Variants in CCDC15 observed in about 807,000 individuals in gnomAD.
The protein encoded by CCDC15 is coiled-coil domain containing 15.
Under a neutral mutation model 114.5 loss-of-function variants are expected in CCDC15, and 105 were observed. The ratio of observed to expected loss-of-function variants is 0.92; its 90% confidence interval spans 0.78 to 1.08. The LOEUF is 1.08. Ranked by LOEUF, CCDC15 falls within the 50% of genes least tolerant of loss-of-function variation. CCDC15 has a pLI of 0.00. For missense variants in CCDC15, 1,105 were observed against 1,093.6 expected, an observed-to-expected ratio of 1.01 and a Z score of -0.15; for synonymous variants, 334 against 377.8, an observed-to-expected ratio of 0.88 and a Z score of 1.34.
chr11:125,023,875 A>T (rs1167826694), intron 13 of CCDC15, among the ~76,000 whole-genome samples: 1 of 152,088 alleles, frequency 6.6e-6, no homozygotes, highest in Non-Finnish European at 1.5e-5. Flanking sequence ...GCCAATCCAA[A>T]GATACCACAT....
intron 4 of CCDC15, among the ~76,000 whole-genome samples, chr11:124,962,025 A>G (rs1947670410): frequency 6.6e-6 from 1 of 152,184 alleles, no homozygotes; most frequent in Non-Finnish European, 1.5e-5. Context: ...TAAAGTTTTT[A>G]TAATACCCCC....
At chr11:124,967,430 TG>T (rs1297462560) in intron 4 of CCDC15, among the ~76,000 whole-genome samples, 1 of 152,236 alleles carries the variant, frequency 6.6e-6, no homozygotes, top group Non-Finnish European at 1.5e-5. Context: ...AATTGGCTAC[TG>T]AAGCTTGTGC....
intron 3 of CCDC15, 79 bp from the exon 4 acceptor site, chr11:124,959,736 C>CA: frequency 2.1e-6 from 1 of 465,206 alleles, no homozygotes; most frequent in Non-Finnish European, 3.4e-6. Context: ...TTAAAATCTT[C>CA]TGAACTGCTT....
At chr11:124,982,798 C>CAGGGG (rs1423442237) in intron 6 of CCDC15, among the ~76,000 whole-genome samples, 1 of 152,096 alleles carries the variant, frequency 6.6e-6, no homozygotes, top group Non-Finnish European at 1.5e-5. Context: ...TAGTATTTTG[C>CAGGGG]AGGGGTTCTC....
intron 11 of CCDC15, among the ~76,000 whole-genome samples, chr11:125,001,315 C>T (rs780268787): frequency 2.0e-5 from 3 of 152,210 alleles, no homozygotes; most frequent in Non-Finnish European, 4.4e-5. Flanking sequence ...CAAAGGCCTG[C>T]AAAAGCACCA....
At chr11:124,983,202 A>G (rs1300450284) in intron 6 of CCDC15, among the ~76,000 whole-genome samples, 3 of 152,116 alleles carry the variant, frequency 2.0e-5, no homozygotes. Flanking sequence ...TTATTGTAAT[A>G]CTTAGATTCC....
At chr11:124,960,105 C>T (rs910999337) in intron 4 of CCDC15, 102 bp downstream of exon 4, 27 of 711,400 alleles carry the variant, frequency 3.8e-5, no homozygotes, top group Non-Finnish European at 4.0e-5. Flanking sequence ...AGAGTTATCA[C>T]ACTCAGCTTC....
At chr11:125,015,485 A>G (rs1193601093) in intron 13 of CCDC15, among the ~76,000 whole-genome samples, 1 of 152,200 alleles carries the variant, frequency 6.6e-6, no homozygotes, top group Non-Finnish European at 1.5e-5. Context: ...TGACAATTTT[A>G]ATAAAATAAA....
intron 11 of CCDC15, among the ~76,000 whole-genome samples, chr11:124,997,792 A>G (rs942768106): frequency 2.0e-5 from 3 of 152,266 alleles, no homozygotes; most frequent in Admixed American, 2.0e-4. Context: ...AAATATAAAA[A>G]TTAGACAGGC....
At chr11:125,015,274 G>A (rs1414342484) in intron 13 of CCDC15, among the ~76,000 whole-genome samples, 1 of 151,998 alleles carries the variant, frequency 6.6e-6, no homozygotes, top group Non-Finnish European at 1.5e-5. Flanking sequence ...TAAAACAAAT[G>A]TATAACAGAG....
At chr11:125,037,052 G>A (rs749694484) in intron 13 of CCDC15, among the ~76,000 whole-genome samples, 1 of 152,070 alleles carries the variant, frequency 6.6e-6, no homozygotes. Flanking sequence ...TGGAGTCTGG[G>A]CTTTTTTTCT....
At chr11:124,996,154 A>G (rs1489338554) in intron 11 of CCDC15, among the ~76,000 whole-genome samples, 5 of 152,046 alleles carry the variant, frequency 3.3e-5, no homozygotes, top group African/African-American at 1.2e-4. Context: ...TTACGCTGCC[A>G]AATAATCCAG....
intron 13 of CCDC15, among the ~76,000 whole-genome samples, chr11:125,024,492 ATGTTATAGTTTTCAG>A (rs779175217): frequency 6.6e-6 from 1 of 152,056 alleles, no homozygotes; most frequent in Non-Finnish European, 1.5e-5. Context: ...TCTCAGCAGT[ATGTTATAGTTTTCAG>A]TGCATGGGTC....
chr11:125,006,327 C>T (rs1236473465), intron 13 of CCDC15, among the ~76,000 whole-genome samples: 1 of 152,188 alleles, frequency 6.6e-6, no homozygotes, highest in Non-Finnish European at 1.5e-5. Context: ...TATGGAGCAC[C>T]TTTTCACATG....
chr11:125,005,051 C>A, intron 12 of CCDC15, 58 bp from the exon 13 acceptor site: 3 of 732,502 alleles, frequency 4.1e-6, no homozygotes, highest in Non-Finnish European at 2.2e-6. Flanking sequence ...GAATATTTTT[C>A]TTCCTTGGAA....
intron 13 of CCDC15, among the ~76,000 whole-genome samples, chr11:125,024,782 C>A (rs1234553769): frequency 6.6e-6 from 1 of 151,714 alleles, no homozygotes; most frequent in East Asian, 1.9e-4. Context: ...CTTTTGCTTG[C>A]CAGCTTGCAC....
At chr11:124,979,201 A>C (rs1948025202) in intron 6 of CCDC15, among the ~76,000 whole-genome samples, 1 of 152,074 alleles carries the variant, frequency 6.6e-6, no homozygotes, top group Non-Finnish European at 1.5e-5. Flanking sequence ...GTAGCCTTGT[A>C]GTGTAGTTTG....
chr11:125,039,481 C>G (rs992068665), intron 15 of CCDC15: 1 of 156,380 alleles, frequency 6.4e-6, no homozygotes, highest in African/African-American at 2.4e-5. Flanking sequence ...CCAGGAGGCA[C>G]TGAGAAAAAT....
intron 6 of CCDC15, among the ~76,000 whole-genome samples, chr11:124,979,249 T>G (rs533776188): frequency 1.4e-4 from 22 of 152,332 alleles, no homozygotes; most frequent in African/African-American, 5.3e-4. Context: ...TTGCTCTTTT[T>G]CTTAGAATTG....
Sources: gnomAD v4.1 joint callset for allele counts (sites outside exome capture counted in the v4.1 genomes callset) on GRCh38, gnomAD v4.1.1 for gene constraint, MANE v1.5 for transcripts, NCBI Gene and HGNC (gene_info 2026-07-23, HGNC 2026-07-21) for gene names.